The following COMMD7 variants were observed in gnomAD, a reference collection of about 807,000 sequenced individuals.
COMMD7 encodes the protein COMM domain containing 7.
COMMD7 carries 28 observed loss-of-function variants against 34.8 expected under a neutral mutation model. That is an observed-to-expected ratio of 0.80 (90% confidence interval 0.60 to 1.10). COMMD7 has a LOEUF of 1.10. Ranked by LOEUF, COMMD7 falls within the 50% of genes least tolerant of loss-of-function variation. COMMD7 has a pLI of 0.00. For synonymous variants in COMMD7, 80 were observed against 86.4 expected (o/e 0.93, Z 0.41); for missense variants, 211 against 241.6 (o/e 0.87, Z 0.84).
At position 32,727,958 on chromosome 20, in the gene COMMD7, G is replaced by A. The variant is rs1485113530; in HGVS notation, c.176C>T (p.Thr59Ile). 23 of 1,614,018 alleles carry A rather than the reference G, an allele frequency of 1.4e-5. No homozygotes were observed. The highest frequency in any genetic ancestry group is 1.9e-5 in the Non-Finnish European group (23 of 1,180,018). ...RFLAQLSEFA[T>I]TNQISLGSLR... ...GGAGCCAAGACTGATCTGATTGGTGGTGGCAAATTCAGAGAGCTGAGCCAG... is the reference window on the plus strand; with the variant it reads ...GGAGCCAAGACTGATCTGATTGGTGATGGCAAATTCAGAGAGCTGAGCCAG... The change falls in exon 3 of 9, where the codon ACC (threonine) becomes ATC (isoleucine). Residue 59 changes from threonine (T) to isoleucine (I), a missense_variant. Transcript: ENST00000278980.
chr20:32,728,389 G>T (rs1212347313), intron 1 of COMMD7, among the ~76,000 whole-genome samples: 1 of 151,838 alleles, frequency 6.6e-6, no homozygotes, highest in Non-Finnish European at 1.5e-5. Flanking sequence ...GAGACTGTAA[G>T]CATATGCACT....
chr20:32,730,566 AC>A (rs1985779966), intron 1 of COMMD7, among the ~76,000 whole-genome samples: 1 of 151,172 alleles, frequency 6.6e-6, no homozygotes. Flanking sequence ...AAAAACAACA[AC>A]AACAACAACA....
chr20:32,739,200 C>T (rs1343204138), intron 1 of COMMD7, among the ~76,000 whole-genome samples: 2 of 152,142 alleles, frequency 1.3e-5, no homozygotes, highest in Non-Finnish European at 2.9e-5. Flanking sequence ...GGTGCAGTGG[C>T]TCATGCCTGT....
rs975878938 is a variant in COMMD7 at position 32,743,458 on chromosome 20, C to G, written c.-67G>C. ...CCTGCTCAGCTTCCTCCTCCGCTGC[C>G]GCTGCCACCGCTGCCGGCCTCTCCG... On this transcript the variant is annotated 5_prime_UTR_variant, in exon 1 of 9. Transcript: ENST00000278980. 77 of 1,112,960 alleles carry G rather than the reference C, an allele frequency of 6.9e-5. No individual in the cohort carries two copies. The highest frequency in any genetic ancestry group is 8.0e-5 in the Non-Finnish European group (69 of 863,230). The allele number at this position is 1,112,960 out of a possible 1,614,324, so 68.9% of individuals were successfully genotyped here. A position where few individuals can be genotyped will look rare whatever the true frequency, so the allele number is the denominator to read the frequency against.
intron 3 of COMMD7, among the ~76,000 whole-genome samples, chr20:32,711,149 C>A (rs887791973): frequency 1.3e-5 from 2 of 152,096 alleles, no homozygotes; most frequent in African/African-American, 2.4e-5. Flanking sequence ...ATAATCCCAG[C>A]ACTTTGGGAG....
rs34678832 is a variant in COMMD7, at chr20:32,730,558, A to AAACAAC, written c.85-2422_85-2417dup. ...TGACAGAGCGAGACTCCGTTTCAAA[A>AAACAAC]AACAACAACAACAACAACAACAACA... is the stretch of plus-strand genomic sequence containing the variant. On this transcript the variant is annotated intron_variant, in intron 1 of 8. Transcript: ENST00000278980. 2.1e-3 allele frequency among the ~76,000 whole-genome samples: 311 copies of AAACAAC among 149,686 alleles called. 1 individual carries two copies. Among genetic ancestry groups the AAACAAC allele is most frequent in the African/African-American group, 3.3e-3 (135 of 40,772 alleles).
intron 7 of COMMD7, 98 bp downstream of exon 7, chr20:32,704,342 G>A: frequency 9.3e-6 from 11 of 1,188,414 alleles, no homozygotes; most frequent in Non-Finnish European, 1.3e-5. Flanking sequence ...AGGTACTTCA[G>A]TAAAACATCC....
chr20:32,715,699 C>T (rs916038084), intron 3 of COMMD7, among the ~76,000 whole-genome samples: 12 of 151,920 alleles, frequency 7.9e-5, no homozygotes, highest in South Asian at 2.1e-4. Context: ...CCCAGCTACT[C>T]GGGAGGCTGA....
chr20:32,705,376 A>ATTTTTT (rs200183828), intron 5 of COMMD7, among the ~76,000 whole-genome samples: 10 of 125,450 alleles, frequency 8.0e-5, no homozygotes, highest in African/African-American at 3.4e-4. Flanking sequence ...ATATATATAT[A>ATTTTTT]TTTTTTTTTT....
chr20:32,706,911 T>G, intron 3 of COMMD7, 151 bp from the exon 4 acceptor site: 2 of 620,684 alleles, frequency 3.2e-6, no homozygotes, highest in Non-Finnish European at 5.9e-6. Flanking sequence ...CATGGGGAAA[T>G]AGCATCCGAA....
chr20:32,714,529 A>G (rs1984656945), intron 3 of COMMD7, among the ~76,000 whole-genome samples: 1 of 151,738 alleles, frequency 6.6e-6, no homozygotes, highest in Non-Finnish European at 1.5e-5. Flanking sequence ...CTCTACTAAT[A>G]ATACAAAAAA....
At chr20:32,740,144 CA>C (rs1479887117) in intron 1 of COMMD7, among the ~76,000 whole-genome samples, 1 of 141,574 alleles carries the variant, frequency 7.1e-6, no homozygotes, top group African/African-American at 2.7e-5. Flanking sequence ...GGTGAAACCC[CA>C]TCTCTATTAA....
chr20:32,743,242 C>T, intron 1 of COMMD7, 66 bp downstream of exon 1: 2 of 881,540 alleles, frequency 2.3e-6, no homozygotes, highest in Non-Finnish European at 3.4e-6. Context: ...GGACGTCCCC[C>T]CCACCCCAGG....
chr20:32,710,161 G>A (rs1489255581), intron 3 of COMMD7, among the ~76,000 whole-genome samples: 1 of 152,010 alleles, frequency 6.6e-6, no homozygotes, highest in Middle Eastern at 3.2e-3. Context: ...GGCATGAGCT[G>A]CCAATCCCAG....
Position 32,743,435 on chromosome 20 carries a change from T to C in COMMD7, c.-44A>G. The C allele has an allele frequency of 1.6e-6, 2 of 1,271,126 alleles. No individual in the cohort carries two copies. Among genetic ancestry groups the C allele is most frequent in the Non-Finnish European group, 2.0e-6 (2 of 1,000,808 alleles). 78.7% of individuals were successfully genotyped at this position (1,271,126 alleles called of 1,614,324 possible). On this transcript the variant is annotated 5_prime_UTR_variant, in exon 1 of 9. Coordinates refer to ENST00000278980, the MANE Select transcript of COMMD7 (RefSeq NM_053041.3). The stretch of plus-strand genomic sequence containing the variant: ...GCAGGTTCCACCGCCGCCGCCGCCC[T>C]GCTCAGCTTCCTCCTCCGCTGCCGC...
At chr20:32,735,240 AAAAT>A (rs1986072965) in intron 1 of COMMD7, among the ~76,000 whole-genome samples, 1 of 95,892 alleles carries the variant, frequency 1.0e-5, no homozygotes, top group African/African-American at 3.6e-5. Flanking sequence ...TCAAAAAAAA[AAAAT>A]TTTTTTTTAA....
chr20:32,708,044 C>A (rs1263600128), intron 3 of COMMD7, among the ~76,000 whole-genome samples: 1 of 152,100 alleles, frequency 6.6e-6, no homozygotes, highest in Non-Finnish European at 1.5e-5. Context: ...CACAGTACAC[C>A]AAGATGGACT....
chr20:32,711,996 GCA>G, intron 3 of COMMD7, among the ~76,000 whole-genome samples: 2 of 122,516 alleles, frequency 1.6e-5, no homozygotes, highest in Middle Eastern at 4.5e-3. Context: ...TGAGGGCTGG[GCA>G]CGATGGCTCA....
In COMMD7 at chr20:32,706,632, CAGA is replaced by C; in HGVS notation, c.299-15_299-13del. ...CTCCTCACTAAGACCTATAAGAGAACAGAAGGAGATATTAACATAATAAAAAGC... is the reference window on the plus strand; with the variant it reads ...CTCCTCACTAAGACCTATAAGAGAACAGGAGATATTAACATAATAAAAAGC... On this transcript the variant is annotated splice_polypyrimidine_tract_variant and intron_variant, in intron 4 of 8. Coordinates refer to ENST00000278980, the MANE Select transcript of COMMD7 (RefSeq NM_053041.3). 2 of 1,611,696 alleles carry C rather than the reference CAGA, an allele frequency of 1.2e-6. No homozygotes were observed. The highest frequency in any genetic ancestry group is 1.7e-6 in the Non-Finnish European group (2 of 1,178,034).
Sources: allele counts gnomAD v4.1 joint callset (sites outside exome capture counted in the v4.1 genomes callset), GRCh38; gene constraint gnomAD v4.1.1; transcripts MANE v1.5; gene names NCBI Gene and HGNC (gene_info 2026-07-23, HGNC 2026-07-21).